CFAP61: variants seen among roughly 807,000 people sequenced by gnomAD.
CFAP61 encodes the protein cilia- and flagella-associated protein 61.
Under a neutral mutation model 135.6 loss-of-function variants are expected in CFAP61, and 107 were observed. The ratio of observed to expected loss-of-function variants is 0.79; its 90% CI spans 0.67 to 0.93. The LOEUF is 0.93. CFAP61 is among the 40% of genes least tolerant of loss of function. CFAP61 has a pLI of 0.00. For synonymous variants in CFAP61, 575 were observed against 578.5 expected (o/e 0.99, Z 0.09); for missense variants, 1,507 against 1,556.2 (o/e 0.97, Z 0.53).
intron 18 of CFAP61, among the ~76,000 whole-genome samples, chr20:20,238,787 C>G (rs1452276940): frequency 6.6e-6 from 1 of 152,108 alleles, no homozygotes; most frequent in African/African-American, 2.4e-5. Context: ...AAACACAATA[C>G]CTTTTACTTA....
chr20:20,256,689 CAG>C (rs2051617749), intron 20 of CFAP61, among the ~76,000 whole-genome samples: 1 of 152,186 alleles, frequency 6.6e-6, no homozygotes, highest in Non-Finnish European at 1.5e-5. Context: ...CAGGAGAAAA[CAG>C]GGTCTGATAG....
chr20:20,081,652 C>T (rs533052700), intron 6 of CFAP61, among the ~76,000 whole-genome samples: 212 of 152,258 alleles, frequency 1.4e-3, no homozygotes, highest in African/African-American at 4.7e-3. Flanking sequence ...TCCTTTCCTA[C>T]ACCCCTTCCT....
intron 25 of CFAP61, among the ~76,000 whole-genome samples, chr20:20,336,483 G>A (rs893275854): frequency 6.6e-6 from 1 of 152,058 alleles, no homozygotes; most frequent in Non-Finnish European, 1.5e-5. Context: ...AAATTAGGCA[G>A]GTGTGATGGT....
At chr20:20,178,307 A>C (rs1439460641) in intron 13 of CFAP61, among the ~76,000 whole-genome samples, 1 of 152,208 alleles carries the variant, frequency 6.6e-6, no homozygotes, top group African/African-American at 2.4e-5. Flanking sequence ...TTTTCTTCAT[A>C]TATTAACCTC....
At chr20:20,352,527 A>G (rs1285762302) in intron 26 of CFAP61, among the ~76,000 whole-genome samples, 1 of 152,184 alleles carries the variant, frequency 6.6e-6, no homozygotes, top group South Asian at 2.1e-4. Flanking sequence ...TCATAAATAA[A>G]CCTACACATT....
rs138573843 is a variant in CFAP61, at chr20:20,269,803, C to T, written c.2503+6673C>T. On this transcript the variant is annotated intron_variant, in intron 21 of 26. Transcript: ENST00000245957. ...TGCCAGTTGGAGTATATTTTAGTAACGTGTTACATATCCATCTGCAAGTGT... is the reference window on the plus strand; with the variant it reads ...TGCCAGTTGGAGTATATTTTAGTAATGTGTTACATATCCATCTGCAAGTGT... Among the ~76,000 whole-genome samples, 258 of 152,224 alleles carry T rather than the reference C, an allele frequency of 1.7e-3. 2 individuals carry two copies. Among genetic ancestry groups the T allele is most frequent in the African/African-American group, 5.9e-3 (243 of 41,520 alleles).
chr20:20,196,884 C>A, intron 16 of CFAP61, 108 bp downstream of exon 16: 4 of 971,438 alleles, frequency 4.1e-6, no homozygotes, highest in Middle Eastern at 2.1e-4. Flanking sequence ...TTGATGATAA[C>A]ATGGGTCTGA....
chr20:20,094,481 G>T (rs960454774), intron 7 of CFAP61: 3 of 152,216 alleles, frequency 2.0e-5, no homozygotes, highest in African/African-American at 7.2e-5. Context: ...TGGTTCCAAG[G>T]TACTAGTTTT....
At chr20:20,251,906 C>A in intron 20 of CFAP61, 143 bp downstream of exon 20, 2 of 825,258 alleles carry the variant, frequency 2.4e-6, no homozygotes, top group Non-Finnish European at 3.7e-6. Flanking sequence ...TAAAAGCACC[C>A]TTCAGGGCCC....
chr20:20,139,621 C>T (rs1020969587), intron 8 of CFAP61, among the ~76,000 whole-genome samples: 2 of 152,174 alleles, frequency 1.3e-5, no homozygotes, highest in Non-Finnish European at 2.9e-5. Flanking sequence ...CCTCGCAAGA[C>T]CCCAGAGACA....
intron 25 of CFAP61, among the ~76,000 whole-genome samples, chr20:20,312,572 TG>T: frequency 6.6e-6 from 1 of 152,054 alleles, no homozygotes; most frequent in Admixed American, 6.5e-5. Context: ...CCAAATTTGA[TG>T]AAAACTCACA....
At chr20:20,300,607 G>GC (rs1555961822) in intron 25 of CFAP61, among the ~76,000 whole-genome samples, 2 of 145,674 alleles carry the variant, frequency 1.4e-5, no homozygotes, top group Non-Finnish European at 3.0e-5. Flanking sequence ...TGTTTTTTTT[G>GC]TTTTTTTTTT....
chr20:20,358,550 A>G (rs2055970981), intron 26 of CFAP61, among the ~76,000 whole-genome samples: 1 of 152,214 alleles, frequency 6.6e-6, no homozygotes, highest in East Asian at 1.9e-4. Context: ...ACATTGCAGA[A>G]TATATCCACG....
At chr20:20,125,466 A>G (rs760695725) in intron 8 of CFAP61, among the ~76,000 whole-genome samples, 44 of 151,740 alleles carry the variant, frequency 2.9e-4, no homozygotes, top group Admixed American at 1.3e-3. Context: ...TCTTGATTTC[A>G]TTTTTGATGC....
chr20:20,301,437 A>G (rs535358835), intron 25 of CFAP61, among the ~76,000 whole-genome samples: 4 of 152,206 alleles, frequency 2.6e-5, no homozygotes, highest in African/African-American at 9.6e-5. Flanking sequence ...CTCAGGACCT[A>G]TTCCCATCGT....
chr20:20,191,457 C>A, intron 15 of CFAP61, 38 bp downstream of exon 15: 2 of 1,489,278 alleles, frequency 1.3e-6, no homozygotes, highest in Non-Finnish European at 1.9e-6. Context: ...TTTGATTGTG[C>A]CTTGCTATAT....
chr20:20,204,014 A>G (rs1249892899), intron 17 of CFAP61, among the ~76,000 whole-genome samples: 1 of 152,184 alleles, frequency 6.6e-6, no homozygotes, highest in Admixed American at 6.5e-5. Flanking sequence ...TTGTCATATT[A>G]CACTCCAGAA....
rs766325470 is a variant in CFAP61, at chr20:20,199,867, A to G, written c.1897A>G (p.Ile633Val). The G allele has an allele frequency of 2.5e-6, 4 of 1,614,168 alleles. No homozygotes were observed. The highest frequency in any genetic ancestry group is 3.4e-6 in the Non-Finnish European group (4 of 1,180,032). ...TGTCTATCCTCTGGAAAAGCTTGGCATAAACGCTCCATCAAAGGCGGTCTC... is the reference window on the plus strand; with the variant it reads ...TGTCTATCCTCTGGAAAAGCTTGGCGTAAACGCTCCATCAAAGGCGGTCTC... ...QIVYPLEKLG[I>V]NAPSKAVSKD... The change falls in exon 17 of 27, where the codon ATA becomes GTA. Residue 633 changes from isoleucine (I) to valine (V), a missense_variant. Transcript: ENST00000245957.
intron 7 of CFAP61, 75 bp downstream of exon 7, chr20:20,091,051 C>A: frequency 1.3e-6 from 2 of 1,525,566 alleles, no homozygotes; most frequent in Non-Finnish European, 9.0e-7. Flanking sequence ...TCTTGCGTTG[C>A]TGGGCACCCC....
Sources: gnomAD v4.1 joint callset for allele counts (sites outside exome capture counted in the v4.1 genomes callset) on GRCh38, gnomAD v4.1.1 for gene constraint, MANE v1.5 for transcripts, NCBI Gene and HGNC (gene_info 2026-07-23, HGNC 2026-07-21) for gene names.